CNTN4: variants seen among roughly 807,000 people sequenced by gnomAD.
CNTN4 encodes the protein contactin-4.
CNTN4 carries 77 observed loss-of-function variants against 122.5 expected under a neutral mutation model. The observed-to-expected ratio is 0.63, with a 90% CI of 0.52 to 0.76. The LOEUF is 0.76. Among genes scored for constraint, CNTN4 ranks in the 30% least tolerant of loss-of-function variants. The pLI is 0.00. For synonymous variants in CNTN4, 512 were observed against 447.0 expected (o/e 1.15, Z -1.83); for missense variants, 1,256 against 1,259.1 (o/e 1.00, Z 0.04).
chr3:2,445,675 T>G (rs1490853034), intron 3 of CNTN4, among the ~76,000 whole-genome samples: 3 of 152,200 alleles, frequency 2.0e-5, no homozygotes, highest in Admixed American at 2.0e-4. Context: ...ATTATATTAA[T>G]AGTAATTCAC....
chr3:2,597,696 C>T (rs75699435), intron 4 of CNTN4, among the ~76,000 whole-genome samples: 8 of 152,086 alleles, frequency 5.3e-5, no homozygotes, highest in Admixed American at 1.3e-4. Flanking sequence ...ACTGAACCAT[C>T]CCCCAGTATA....
chr3:2,314,683 A>G (rs1399846776), intron 2 of CNTN4, among the ~76,000 whole-genome samples: 3 of 152,048 alleles, frequency 2.0e-5, no homozygotes, highest in African/African-American at 4.8e-5. Flanking sequence ...TGAGATATCT[A>G]TCGATTTAAT....
At chr3:2,154,223 A>G (rs1407080314) in intron 2 of CNTN4, among the ~76,000 whole-genome samples, 1 of 152,048 alleles carries the variant, frequency 6.6e-6, no homozygotes, top group African/African-American at 2.4e-5. Flanking sequence ...CGTCTCTACA[A>G]AAAATACAAA....
chr3:2,535,395 C>G (rs2077762559), intron 3 of CNTN4, among the ~76,000 whole-genome samples: 1 of 152,128 alleles, frequency 6.6e-6, no homozygotes, highest in Admixed American at 6.6e-5. Context: ...AATTCTCTTT[C>G]ATTTGATCAT....
At chr3:2,821,363 T>C (rs988432149) in intron 7 of CNTN4, among the ~76,000 whole-genome samples, 3 of 152,206 alleles carry the variant, frequency 2.0e-5, no homozygotes, top group Non-Finnish European at 1.5e-5. Context: ...GTGCTTAGCA[T>C]GTGGTATGGA....
intron 14 of CNTN4, among the ~76,000 whole-genome samples, chr3:3,020,621 T>A (rs1439525288): frequency 6.6e-6 from 1 of 152,178 alleles, no homozygotes; most frequent in African/African-American, 2.4e-5. Flanking sequence ...AGATTCATGT[T>A]CTTCTGTGGC....
chr3:2,343,883 ATC>A (rs1467752583), intron 3 of CNTN4, among the ~76,000 whole-genome samples: 1 of 152,190 alleles, frequency 6.6e-6, no homozygotes, highest in African/African-American at 2.4e-5. Context: ...TGGCACCAGC[ATC>A]TGTGTGTGGT....
chr3:2,647,217 C>T (rs2083164763), intron 4 of CNTN4, among the ~76,000 whole-genome samples: 1 of 151,922 alleles, frequency 6.6e-6, no homozygotes, highest in African/African-American at 2.4e-5. Context: ...CCCGTCCCTA[C>T]TAAAAATACA....
intron 3 of CNTN4, among the ~76,000 whole-genome samples, chr3:2,340,324 A>G (rs1176790502): frequency 6.6e-6 from 1 of 152,048 alleles, no homozygotes; most frequent in Non-Finnish European, 1.5e-5. Flanking sequence ...TATACATAAA[A>G]TGCTGTTTAT....
intron 4 of CNTN4, among the ~76,000 whole-genome samples, chr3:2,656,199 T>C (rs1435175378): frequency 6.6e-6 from 1 of 152,214 alleles, no homozygotes; most frequent in Non-Finnish European, 1.5e-5. Context: ...TGTAATCTCA[T>C]TTCGCTGCAT....
intron 4 of CNTN4, among the ~76,000 whole-genome samples, chr3:2,693,625 G>C (rs1192122644): frequency 6.6e-6 from 1 of 152,062 alleles, no homozygotes; most frequent in Non-Finnish European, 1.5e-5. Context: ...CTTTAGTCTG[G>C]AGAGAAAAAA....
chr3:2,437,731 G>C (rs929767845), intron 3 of CNTN4, among the ~76,000 whole-genome samples: 4 of 152,158 alleles, frequency 2.6e-5, no homozygotes, highest in African/African-American at 9.7e-5. Context: ...GTGGCTTCTA[G>C]TACACACTTT....
intron 2 of CNTN4, among the ~76,000 whole-genome samples, chr3:2,119,932 A>G (rs1432054754): frequency 1.3e-5 from 2 of 152,168 alleles, no homozygotes; most frequent in Non-Finnish European, 2.9e-5. Flanking sequence ...GATAGTGCAT[A>G]ATGTGGGCAG....
At position 2,396,040 on chromosome 3, in the gene CNTN4, G is replaced by C. The variant is rs553871773; in HGVS notation, c.-89+56807G>C. ...ATTCCTTATGGGGCTGTTTGTTGTT[G>C]TTATTTTTTTTTTTTTTAGACAAAG... On this transcript the variant is annotated intron_variant, in intron 3 of 24. Transcript: ENST00000418658. 4.0e-5 allele frequency among the ~76,000 whole-genome samples: 6 copies of C among 150,362 alleles called. No homozygotes were observed. The South Asian group carries it at 1.3e-3, about 32-fold the overall frequency.
chr3:2,913,164 A>C (rs2094319405), intron 12 of CNTN4, among the ~76,000 whole-genome samples: 1 of 152,212 alleles, frequency 6.6e-6, no homozygotes, highest in Non-Finnish European at 1.5e-5. Flanking sequence ...AAATAAACAA[A>C]TTAAATAAAT....
intron 2 of CNTN4, among the ~76,000 whole-genome samples, chr3:2,335,162 A>G (rs967445654): frequency 2.0e-5 from 3 of 152,136 alleles, no homozygotes; most frequent in Admixed American, 1.3e-4. Context: ...AGAGTCGTCT[A>G]TTTATTCACC....
intron 2 of CNTN4, among the ~76,000 whole-genome samples, chr3:2,141,193 C>G (rs1307244210): frequency 6.6e-6 from 1 of 152,146 alleles, no homozygotes; most frequent in Non-Finnish European, 1.5e-5. Context: ...GTCCTAATCT[C>G]TAGAACCTCT....
At chr3:2,876,799 T>C (rs1275600620) in intron 8 of CNTN4, among the ~76,000 whole-genome samples, 1 of 152,244 alleles carries the variant, frequency 6.6e-6, no homozygotes, top group Non-Finnish European at 1.5e-5. Flanking sequence ...GTCCAGACTC[T>C]GGATGGACTT....
At chr3:2,915,403 A>G (rs1363478339) in intron 12 of CNTN4, among the ~76,000 whole-genome samples, 1 of 152,232 alleles carries the variant, frequency 6.6e-6, no homozygotes, top group East Asian at 1.9e-4. Context: ...CACTCAACAA[A>G]GTAGAGAAGC....
Sources: gnomAD v4.1 joint callset for allele counts (sites outside exome capture counted in the v4.1 genomes callset) on GRCh38, gnomAD v4.1.1 for gene constraint, MANE v1.5 for transcripts, NCBI Gene and HGNC (gene_info 2026-07-23, HGNC 2026-07-21) for gene names.